CHST9: variants seen among roughly 807,000 people sequenced by gnomAD.
CHST9 encodes GalNAc-4-sulfotransferase 2.
Under a neutral mutation model 44.4 loss-of-function variants are expected in CHST9, and 41 were observed. The ratio of observed to expected loss-of-function variants is 0.92; its 90% confidence interval spans 0.72 to 1.20. The LOEUF is 1.20. Among genes scored for constraint, CHST9 ranks in the 50% most tolerant of loss-of-function variants. The pLI is 0.00. For synonymous variants in CHST9, 171 were observed against 178.4 expected (o/e 0.96, Z 0.33); for missense variants, 504 against 516.5 (o/e 0.98, Z 0.23).
intron 1 of CHST9, among the ~76,000 whole-genome samples, chr18:27,157,713 G>T (rs759790039): frequency 5.3e-5 from 8 of 151,930 alleles, no homozygotes; most frequent in Non-Finnish European, 8.8e-5. Flanking sequence ...AATAAATATA[G>T]ATATATAGAG....
chr18:26,931,331 T>C (rs1225960131), intron 5 of CHST9, among the ~76,000 whole-genome samples: 1 of 152,182 alleles, frequency 6.6e-6, no homozygotes, highest in Non-Finnish European at 1.5e-5. Context: ...GGATAACGAC[T>C]GTCCACTGAA....
intron 2 of CHST9, among the ~76,000 whole-genome samples, chr18:27,093,115 C>T (rs2058085155): frequency 6.6e-6 from 1 of 152,156 alleles, no homozygotes; most frequent in Non-Finnish European, 1.5e-5. Context: ...AGCTTCATCC[C>T]AGAGGGGCAG....
intron 3 of CHST9, among the ~76,000 whole-genome samples, chr18:27,029,946 C>T (rs970057894): frequency 6.6e-6 from 1 of 152,154 alleles, no homozygotes; most frequent in Admixed American, 6.5e-5. Context: ...TATTTAAGCA[C>T]CAGTTTTGAA....
At chr18:27,128,417 G>A (rs1185533042) in intron 2 of CHST9, among the ~76,000 whole-genome samples, 2 of 152,146 alleles carry the variant, frequency 1.3e-5, no homozygotes, top group African/African-American at 2.4e-5. Flanking sequence ...CTACAGGCAA[G>A]TGCCATGACG....
intron 3 of CHST9, among the ~76,000 whole-genome samples, chr18:27,027,149 A>G (rs889353897): frequency 2.6e-5 from 4 of 152,230 alleles, no homozygotes; most frequent in African/African-American, 9.6e-5. Flanking sequence ...TTTCTCAAAG[A>G]ATTCAAAATA....
intron 4 of CHST9, among the ~76,000 whole-genome samples, chr18:26,945,549 G>A (rs918625650): frequency 3.3e-5 from 5 of 152,028 alleles, no homozygotes; most frequent in African/African-American, 1.2e-4. Context: ...TTTTTTCCTC[G>A]GCATACTTCT....
At chr18:26,964,428 C>A (rs1205885004) in intron 4 of CHST9, among the ~76,000 whole-genome samples, 9 of 152,220 alleles carry the variant, frequency 5.9e-5, no homozygotes, top group Admixed American at 5.9e-4. Context: ...CCATTTAGTG[C>A]ATGTTACTTA....
chr18:26,980,856 G>A (rs183447487), intron 4 of CHST9, among the ~76,000 whole-genome samples: 4 of 152,268 alleles, frequency 2.6e-5, no homozygotes, highest in East Asian at 1.9e-4. Flanking sequence ...GCAACCCATC[G>A]GCCAAAACGA....
chr18:27,141,163 CCTGG>C (rs1263686670), intron 2 of CHST9, among the ~76,000 whole-genome samples: 1 of 152,096 alleles, frequency 6.6e-6, no homozygotes, highest in African/African-American at 2.4e-5. Context: ...TCGAGACCAT[CCTGG>C]CTAATATGGT....
chr18:27,112,263 A>ATG (rs749448500), intron 2 of CHST9, among the ~76,000 whole-genome samples: 88 of 151,184 alleles, frequency 5.8e-4, no homozygotes, highest in Non-Finnish European at 8.7e-4. Context: ...CAGGATGTGT[A>ATG]TGTGTGTGTG....
chr18:27,142,606 T>C, intron 2 of CHST9, 83 bp downstream of exon 2: 1 of 924,994 alleles, frequency 1.1e-6, no homozygotes, highest in Non-Finnish European at 1.5e-6. Flanking sequence ...ATTCTCAATA[T>C]ATTAATAAGC....
At chr18:26,969,000 CTT>C (rs34898136) in intron 4 of CHST9, among the ~76,000 whole-genome samples, 16,135 of 132,638 alleles carry the variant, frequency 0.12, 1,813 homozygotes, top group African/African-American at 0.32. Flanking sequence ...TTTATGCAGT[CTT>C]TTTTTTTTTT....
intron 2 of CHST9, among the ~76,000 whole-genome samples, chr18:27,093,264 C>T (rs1348076640): frequency 6.6e-6 from 1 of 152,208 alleles, no homozygotes; most frequent in Non-Finnish European, 1.5e-5. Context: ...CTGGGAGAAC[C>T]ACTGCCCTCT....
At chr18:26,938,143 C>T (rs2056026344) in intron 5 of CHST9, among the ~76,000 whole-genome samples, 1 of 151,984 alleles carries the variant, frequency 6.6e-6, no homozygotes, top group South Asian at 2.1e-4. Flanking sequence ...CTCAGCTTTG[C>T]TTTGTCTTGT....
chr18:26,975,155 T>C (rs1271979820), intron 4 of CHST9, among the ~76,000 whole-genome samples: 1 of 152,122 alleles, frequency 6.6e-6, no homozygotes, highest in Non-Finnish European at 1.5e-5. Context: ...TTAGATAAGG[T>C]TCTCCTGAGC....
intron 4 of CHST9, among the ~76,000 whole-genome samples, chr18:26,985,619 G>C (rs1055988450): frequency 6.6e-6 from 1 of 152,208 alleles, no homozygotes; most frequent in Non-Finnish European, 1.5e-5. Context: ...CAAAGAACCA[G>C]AAAGGTGCAT....
intron 4 of CHST9, among the ~76,000 whole-genome samples, chr18:26,971,803 A>T (rs1405466325): frequency 1.3e-5 from 2 of 151,926 alleles, no homozygotes; most frequent in East Asian, 3.9e-4. Flanking sequence ...CTGGAAGGAC[A>T]GAGCGCCCAT....
intron 2 of CHST9, among the ~76,000 whole-genome samples, chr18:27,135,910 C>T (rs2058509902): frequency 6.6e-6 from 1 of 152,192 alleles, no homozygotes; most frequent in African/African-American, 2.4e-5. Context: ...TAACAAGTCT[C>T]ACGTGACGCT....
chr18:26,954,977 G>A (rs1252728249), intron 4 of CHST9, among the ~76,000 whole-genome samples: 3 of 151,976 alleles, frequency 2.0e-5, no homozygotes, highest in Admixed American at 6.6e-5. Context: ...ATCTCAGTGG[G>A]TGAAGCCTTG....
Sources: gnomAD v4.1 joint callset for allele counts (sites outside exome capture counted in the v4.1 genomes callset) on GRCh38, gnomAD v4.1.1 for gene constraint, MANE v1.5 for transcripts, NCBI Gene and HGNC (gene_info 2026-07-23, HGNC 2026-07-21) for gene names.